SYNPO2: variants seen among roughly 807,000 people sequenced by gnomAD.
The protein encoded by SYNPO2 is synaptopodin 2, also known as synaptopodin-2.
A neutral mutation model predicts 85.0 loss-of-function variants in SYNPO2; 56 were observed. The observed-to-expected ratio is 0.66, with a 90% confidence interval of 0.53 to 0.82. The LOEUF is 0.82. SYNPO2 is among the 40% of genes least tolerant of loss of function. The pLI is 0.00. For missense variants in SYNPO2, 1,575 were observed against 1,534.2 expected, an observed-to-expected ratio of 1.03 and a Z score of -0.44; for synonymous variants, 602 against 591.1, an observed-to-expected ratio of 1.02 and a Z score of -0.27.
chr4:119,024,427 T>A (rs995145958), intron 2 of SYNPO2, among the ~76,000 whole-genome samples: 9 of 152,220 alleles, frequency 5.9e-5, no homozygotes, highest in African/African-American at 1.9e-4. Context: ...GTCCTCCAGG[T>A]TTTTCCTCAA....
chr4:118,879,220 G>C (rs190413469), intron 1 of SYNPO2, among the ~76,000 whole-genome samples: 1 of 152,210 alleles, frequency 6.6e-6, no homozygotes, highest in East Asian at 1.9e-4. Context: ...ATAAGGGTCC[G>C]TGGCTTCATT....
At chr4:119,051,351 G>C (rs906010275) in intron 4 of SYNPO2, among the ~76,000 whole-genome samples, 1 of 149,572 alleles carries the variant, frequency 6.7e-6, no homozygotes, top group Admixed American at 6.7e-5. Context: ...CACTACGCCC[G>C]GCTAATTTTT....
intron 1 of SYNPO2, among the ~76,000 whole-genome samples, chr4:118,946,144 ATC>A (rs1330602102): frequency 6.6e-6 from 1 of 152,154 alleles, no homozygotes; most frequent in Non-Finnish European, 1.5e-5. Flanking sequence ...TCACATCATC[ATC>A]TAACCAGAGG....
Position 119,057,897 on chromosome 4 carries a change from A to G in SYNPO2, c.3749A>G (p.Tyr1250Cys), listed in dbSNP as rs1430573016. 1 of 1,614,046 alleles carries G rather than the reference A, an allele frequency of 6.2e-7. No homozygotes were observed. ...TGTCTTCCAGTAGCTGATTACAACT[A>G]CAACCCACACCCAAGGGGATGGAGA... ...DYCLPVADYN[Y>C]NPHPRGWRRQ... is the part of the protein sequence containing the mutation. Residue 1250 changes from tyrosine to cysteine, a missense_variant, in exon 5 of 5, where the codon TAC (tyrosine) becomes TGC (cysteine). Tyr to Cys is a radical substitution (Grantham distance 194). This residue lies in a region of SYNPO2 where 1,508 missense variants were observed against 1,446.8 expected (regional missense o/e 1.04). Transcript: ENST00000307142.
Position 119,060,912 on chromosome 4 carries a change from A to G in SYNPO2, c.*2978A>G, listed in dbSNP as rs1207748129. 2.6e-5 allele frequency: 4 copies of G among 152,088 alleles called. No homozygotes were observed. Among genetic ancestry groups the G allele is most frequent in the Admixed American group, 2.6e-4 (4 of 15,252 alleles). 9.4% of individuals were successfully genotyped at this position (152,088 alleles called of 1,614,324 possible). A position where few individuals can be genotyped will look rare whatever the true frequency, so the allele number is the denominator to read the frequency against. The stretch of plus-strand genomic sequence containing the variant: ...TTATCTCTGAATATGTCTCTTTTAT[A>G]TTTTGGCACAATTATACACATTGGA... On this transcript the variant is annotated 3_prime_UTR_variant, in exon 5 of 5. Transcript: ENST00000307142.
intron 1 of SYNPO2, among the ~76,000 whole-genome samples, chr4:118,901,433 A>G (rs972288563): frequency 6.6e-6 from 1 of 152,188 alleles, no homozygotes; most frequent in East Asian, 1.9e-4. Context: ...CTTCTTGACA[A>G]TTTTGAGTAT....
At chr4:118,887,805 A>G (rs1732234230), upstream of SYNPO2, among the ~76,000 whole-genome samples, 1 of 152,200 alleles carries the variant, frequency 6.6e-6, no homozygotes, top group African/African-American at 2.4e-5. Flanking sequence ...CTTACTGTAT[A>G]TAGTGCTTCT....
At chr4:119,046,592 G>A (rs929327291) in intron 4 of SYNPO2, among the ~76,000 whole-genome samples, 1 of 152,210 alleles carries the variant, frequency 6.6e-6, no homozygotes, top group Non-Finnish European at 1.5e-5. Context: ...GGGCCACACA[G>A]TCTCTTCCCA....
chr4:119,032,929 T>TTTGACC, intron 4 of SYNPO2: 2 of 905,322 alleles, frequency 2.2e-6, no homozygotes, highest in Non-Finnish European at 2.6e-6. Flanking sequence ...AAAGGTTGAT[T>TTTGACC]CCCACCCTCC....
At chr4:118,886,798 G>A (rs1732206233), upstream of SYNPO2, among the ~76,000 whole-genome samples, 1 of 151,342 alleles carries the variant, frequency 6.6e-6, no homozygotes, top group Admixed American at 6.6e-5. Context: ...AACTTGGGAT[G>A]AGTATCTGGC....
intron 1 of SYNPO2, among the ~76,000 whole-genome samples, chr4:118,942,176 A>G (rs1734338170): frequency 6.6e-6 from 1 of 152,224 alleles, no homozygotes; most frequent in Admixed American, 6.5e-5. Context: ...TTTCTATTCC[A>G]TCAAAATATC....
intron 1 of SYNPO2, among the ~76,000 whole-genome samples, chr4:118,960,360 G>A (rs1560912445): frequency 6.6e-6 from 1 of 152,126 alleles, no homozygotes; most frequent in Non-Finnish European, 1.5e-5. Flanking sequence ...ATACATATCA[G>A]AATTGCTAAA....
At chr4:118,990,621 G>T (rs1736381069) in intron 1 of SYNPO2, among the ~76,000 whole-genome samples, 1 of 152,198 alleles carries the variant, frequency 6.6e-6, no homozygotes, top group South Asian at 2.1e-4. Context: ...TTGTTTGTTT[G>T]TTTTTGAGAC....
chr4:119,053,012 G>T (rs1046959748), intron 4 of SYNPO2, among the ~76,000 whole-genome samples: 32 of 152,264 alleles, frequency 2.1e-4, no homozygotes, highest in Non-Finnish European at 4.0e-4. Context: ...ACCCATGGTG[G>T]AAGTGACAAC....
chr4:119,019,810 A>G (rs1737649716), intron 1 of SYNPO2, among the ~76,000 whole-genome samples: 1 of 152,174 alleles, frequency 6.6e-6, no homozygotes, highest in African/African-American at 2.4e-5. Flanking sequence ...GTTCCCTCAG[A>G]GTTGGTACCC....
chr4:118,881,735 A>G (rs1486902644), intron 1 of SYNPO2, among the ~76,000 whole-genome samples: 1 of 152,032 alleles, frequency 6.6e-6, no homozygotes, highest in East Asian at 1.9e-4. Context: ...ATCATAGGGA[A>G]GTTGTTTTGG....
intron 1 of SYNPO2, among the ~76,000 whole-genome samples, chr4:118,855,416 CTGAGA>C (rs1386964994): frequency 6.6e-6 from 1 of 151,974 alleles, no homozygotes; most frequent in East Asian, 1.9e-4. Flanking sequence ...AATATTTTAA[CTGAGA>C]TATTAGTATT....
At chr4:118,930,143 T>A (rs1733875686) in intron 1 of SYNPO2, among the ~76,000 whole-genome samples, 1 of 152,202 alleles carries the variant, frequency 6.6e-6, no homozygotes, top group African/African-American at 2.4e-5. Context: ...GAGCATTTAT[T>A]ATGTGCCAGG....
At chr4:118,949,804 A>G (rs370342009) in intron 1 of SYNPO2, among the ~76,000 whole-genome samples, 5 of 152,160 alleles carry the variant, frequency 3.3e-5, no homozygotes, top group African/African-American at 1.2e-4. Context: ...TCAATCACTG[A>G]ACTAGGGGCT....
Sources: gnomAD v4.1 joint callset for allele counts (sites outside exome capture counted in the v4.1 genomes callset) on GRCh38, gnomAD v4.1.1 for gene constraint, gnomAD v4.1.1 regional missense constraint, MANE v1.5 for transcripts, NCBI Gene and HGNC (gene_info 2026-07-23, HGNC 2026-07-21) for gene names.